STPG2: variants seen among roughly 807,000 people sequenced by gnomAD.
The protein encoded by STPG2 is sperm tail PG-rich repeat containing 2.
A neutral mutation model predicts 54.2 loss-of-function variants in STPG2; 56 were observed. The ratio of observed to expected loss-of-function variants is 1.03; its 90% confidence interval spans 0.83 to 1.29. The LOEUF (loss-of-function observed/expected upper bound fraction) is 1.29. Ranked by LOEUF, STPG2 falls within the 50% of genes most tolerant of loss-of-function variation. The pLI is 0.00. For synonymous variants in STPG2, 200 were observed against 181.8 expected, an observed-to-expected ratio of 1.10 and a Z score of -0.81; for missense variants, 596 against 544.9, an observed-to-expected ratio of 1.09 and a Z score of -0.93.
chr4:97,985,681 T>C (rs559768410), intron 5 of STPG2, among the ~76,000 whole-genome samples: 149 of 152,292 alleles, frequency 9.8e-4, no homozygotes, highest in Non-Finnish European at 1.4e-3. Context: ...GTTTAAACTC[T>C]TCCATATCTT....
chr4:97,516,629 T>C lies in STPG2; in HGVS notation c.462+196070A>G, dbSNP rs572444690. On this transcript the variant is annotated intron_variant, in intron 4 of 4. Transcript: ENST00000522676. ...CCTGAGGTCAGGAGTTTGAGACCAG[T>C]CTGGACAACATGGGGAAAACCCTGT... is the stretch of plus-strand genomic sequence containing the variant. Among the ~76,000 whole-genome samples, 40 of 151,876 alleles carry C rather than the reference T, an allele frequency of 2.6e-4. No homozygotes were observed. The South Asian group carries it at 7.1e-3, about 27-fold the overall frequency.
chr4:97,685,310 C>G (rs1459185755), intron 10 of STPG2, among the ~76,000 whole-genome samples: 1 of 152,018 alleles, frequency 6.6e-6, no homozygotes, highest in Non-Finnish European at 1.5e-5. Flanking sequence ...TTGGAAACAA[C>G]CAAGATGTCC....
chr4:97,878,234 G>A (rs867420061), intron 8 of STPG2, among the ~76,000 whole-genome samples: 1 of 152,190 alleles, frequency 6.6e-6, no homozygotes, highest in Non-Finnish European at 1.5e-5. Flanking sequence ...AGTGCAAGCT[G>A]TAGGAGGATC....
At chr4:97,787,848 A>AT (rs756713386) in intron 9 of STPG2, among the ~76,000 whole-genome samples, 5 of 151,574 alleles carry the variant, frequency 3.3e-5, no homozygotes, top group Non-Finnish European at 7.4e-5. Flanking sequence ...GAATTTAGCT[A>AT]TTTTATATAA....
chr4:97,460,937 G>A (rs894074571), intron 4 of STPG2, among the ~76,000 whole-genome samples: 1 of 152,184 alleles, frequency 6.6e-6, no homozygotes, highest in African/African-American at 2.4e-5. Flanking sequence ...CCATGTGGTT[G>A]CATATAACAT....
chr4:97,875,932 A>T (rs1306161063), intron 8 of STPG2, among the ~76,000 whole-genome samples: 1 of 152,062 alleles, frequency 6.6e-6, no homozygotes, highest in African/African-American at 2.4e-5. Flanking sequence ...ACTGAAAAAA[A>T]TATAAAACCA....
At chr4:97,613,475 C>CGT (rs70953075) in intron 10 of STPG2, among the ~76,000 whole-genome samples, 4,870 of 142,240 alleles carry the variant, frequency 0.034, 78 homozygotes, top group South Asian at 0.04. Context: ...AGTCATCACC[C>CGT]GTGTGTGTGT....
rs75875674 is a variant in STPG2, at chr4:97,466,740, T to C, written c.462+245959A>G. Among the ~76,000 whole-genome samples the C allele has an allele frequency of 1.8e-3, 279 of 152,092 alleles. 1 individual carries two copies. The highest frequency in any genetic ancestry group is 6.4e-3 in the African/African-American group (266 of 41,552). ...AATGTAGGTAAACATAGCAGAAATA[T>C]AAGAACAAAATATGAGCTGCTTGAA... is the stretch of plus-strand genomic sequence containing the variant. On this transcript the variant is annotated intron_variant, in intron 4 of 4. Transcript: ENST00000522676.
In STPG2 at chr4:97,527,887, T is replaced by C. The variant is rs187281943; in HGVS notation, c.462+184812A>G. ...TAAATTTATTTATATTTCTTGTAGATTCTGGATATTAGCTCTTTGTCAGAT... is the reference window on the plus strand; with the variant it reads ...TAAATTTATTTATATTTCTTGTAGACTCTGGATATTAGCTCTTTGTCAGAT... On this transcript the variant is annotated intron_variant, in intron 4 of 4. Transcript: ENST00000522676. 3.3e-3 allele frequency among the ~76,000 whole-genome samples: 510 copies of C among 152,274 alleles called. 1 individual carries two copies. The highest frequency in any genetic ancestry group is 0.012 in the African/African-American group (479 of 41,564).
intron 8 of STPG2, among the ~76,000 whole-genome samples, chr4:97,880,872 C>T (rs1371267847): frequency 2.0e-5 from 3 of 151,942 alleles, no homozygotes; most frequent in Non-Finnish European, 4.4e-5. Context: ...CAGAAGGATG[C>T]TGGCATTTTT....
intron 8 of STPG2, among the ~76,000 whole-genome samples, chr4:97,908,742 A>T (rs917453807): frequency 6.6e-6 from 1 of 151,474 alleles, no homozygotes; most frequent in Non-Finnish European, 1.5e-5. Context: ...GGAAATCATC[A>T]TTCTCAGTAA....
chr4:97,478,217 A>C (rs1730126345), intron 4 of STPG2, among the ~76,000 whole-genome samples: 1 of 152,190 alleles, frequency 6.6e-6, no homozygotes, highest in Admixed American at 6.5e-5. Flanking sequence ...GAATACACAA[A>C]GTAAATAAAG....
intron 3 of STPG2, among the ~76,000 whole-genome samples, chr4:98,117,324 C>T (rs1739548245): frequency 6.6e-6 from 1 of 151,860 alleles, no homozygotes; most frequent in Non-Finnish European, 1.5e-5. Flanking sequence ...TGATATGTCA[C>T]TTTTTTCTTG....
chr4:97,467,734 G>A (rs1479334200), intron 4 of STPG2, among the ~76,000 whole-genome samples: 1 of 151,818 alleles, frequency 6.6e-6, no homozygotes, highest in Non-Finnish European at 1.5e-5. Flanking sequence ...ACACAGAGTA[G>A]GCTAATGCAA....
At chr4:97,963,168 C>T (rs1176974171) in intron 7 of STPG2, among the ~76,000 whole-genome samples, 1 of 151,006 alleles carries the variant, frequency 6.6e-6, no homozygotes, top group African/African-American at 2.4e-5. Context: ...CAAAAACAAA[C>T]AAACAAACAA....
chr4:97,854,799 T>C lies in STPG2; in HGVS notation c.1045-13867A>G, dbSNP rs981444916. Among the ~76,000 whole-genome samples, 5 of 152,154 alleles carry C rather than the reference T, an allele frequency of 3.3e-5. No homozygotes were observed. In the East Asian group the frequency reaches 5.8e-4, roughly 18 times the overall value. Reference sequence around the variant, plus strand: ...GTGCAGCATGTGCAGGTTTGTTACATAGGTAAACAAGTGCAATTTTGGTTT... The same window carrying C: ...GTGCAGCATGTGCAGGTTTGTTACACAGGTAAACAAGTGCAATTTTGGTTT... On this transcript the variant is annotated intron_variant, in intron 8 of 10. Transcript: ENST00000295268.
chr4:97,879,472 G>A (rs1159390376), intron 8 of STPG2, among the ~76,000 whole-genome samples: 1 of 152,126 alleles, frequency 6.6e-6, no homozygotes, highest in African/African-American at 2.4e-5. Context: ...GTCTTACATG[G>A]CAGCAGACAA....
At chr4:97,901,494 AATACAAAATTAAC>A (rs1193043890) in intron 8 of STPG2, among the ~76,000 whole-genome samples, 1 of 151,998 alleles carries the variant, frequency 6.6e-6, no homozygotes, top group Admixed American at 6.6e-5. Context: ...AATGTTACAG[AATACAAAATTAAC>A]ATACAAAAAT....
chr4:98,011,726 T>C (rs1282698693), intron 5 of STPG2, among the ~76,000 whole-genome samples: 1 of 152,272 alleles, frequency 6.6e-6, no homozygotes, highest in Admixed American at 6.5e-5. Context: ...GTTGAGCTTT[T>C]TTCATATGTT....
Sources: gnomAD v4.1 joint callset for allele counts (sites outside exome capture counted in the v4.1 genomes callset) on GRCh38, gnomAD v4.1.1 for gene constraint, MANE v1.5 for transcripts, NCBI Gene and HGNC (gene_info 2026-07-23, HGNC 2026-07-21) for gene names.